The following SCFD2 variants were observed in gnomAD, a reference collection of about 807,000 sequenced individuals.
The protein encoded by SCFD2 is sec1 family domain-containing protein 2.
A neutral mutation model predicts 58.9 loss-of-function variants in SCFD2; 54 were observed. The ratio of observed to expected loss-of-function variants is 0.92; its 90% CI spans 0.74 to 1.15. SCFD2 has a LOEUF of 1.15. Ranked by LOEUF, SCFD2 falls within the 50% of genes most tolerant of loss-of-function variation. The probability of loss-of-function intolerance (pLI) is 0.00; values close to 1 mark genes in which losing one functional copy is unlikely to be tolerated. For synonymous variants in SCFD2, 321 were observed against 335.9 expected (o/e 0.96, Z 0.49); for missense variants, 805 against 836.6 (o/e 0.96, Z 0.47).
intron 5 of SCFD2, among the ~76,000 whole-genome samples, chr4:53,099,708 T>C (rs1176393081): frequency 2.0e-5 from 3 of 151,992 alleles, no homozygotes; most frequent in Non-Finnish European, 4.4e-5. Context: ...AAGTACTTAC[T>C]CCCCCTACCC....
At chr4:52,931,570 A>G (rs923563408) in intron 5 of SCFD2, among the ~76,000 whole-genome samples, 1 of 152,262 alleles carries the variant, frequency 6.6e-6, no homozygotes, top group Non-Finnish European at 1.5e-5. Flanking sequence ...TGAAGCAGCA[A>G]CAAAGTTAAG....
In SCFD2 at chr4:53,016,566, G is replaced by A. The variant is rs1722218415; in HGVS notation, c.1562-95696C>T. Among the ~76,000 whole-genome samples, 3 of 152,240 alleles carry A rather than the reference G, an allele frequency of 2.0e-5. No individual in the cohort carries two copies. In the South Asian group the frequency reaches 6.2e-4, roughly 32 times the overall value. On this transcript the variant is annotated intron_variant, in intron 5 of 8. Coordinates refer to ENST00000401642, the MANE Select transcript of SCFD2 (RefSeq NM_152540.4). ...TCCAATGCTTCAAGATTCTTCTTTA[G>A]CTAGAACTCCTGAGCTCTTTAGTCA...
intron 2 of SCFD2, among the ~76,000 whole-genome samples, chr4:53,340,046 G>C (rs1453807924): frequency 6.6e-6 from 1 of 152,172 alleles, no homozygotes; most frequent in East Asian, 1.9e-4. Flanking sequence ...GAGCAACGCA[G>C]AAGACAGGTG....
intron 5 of SCFD2, among the ~76,000 whole-genome samples, chr4:53,120,371 C>T (rs1210474955): frequency 6.6e-6 from 1 of 152,140 alleles, no homozygotes; most frequent in African/African-American, 2.4e-5. Context: ...CTGGGATACT[C>T]ATTTTGCAGA....
intron 1 of SCFD2, among the ~76,000 whole-genome samples, chr4:53,362,429 T>A (rs1232379297): frequency 6.6e-6 from 1 of 152,254 alleles, no homozygotes; most frequent in East Asian, 1.9e-4. Context: ...TGAGGGATTA[T>A]ATAAGAAGCT....
chr4:53,302,106 A>G (rs948851492), intron 3 of SCFD2, among the ~76,000 whole-genome samples: 183 of 152,284 alleles, frequency 1.2e-3, no homozygotes, highest in Non-Finnish European at 2.2e-3. Context: ...GGCCAGGGCA[A>G]TCAGGCAGGA....
At chr4:53,281,046 G>A (rs1372766605) in intron 3 of SCFD2, among the ~76,000 whole-genome samples, 3 of 152,142 alleles carry the variant, frequency 2.0e-5, no homozygotes, top group Non-Finnish European at 4.4e-5. Context: ...TTGGCTCTGC[G>A]GCCGTGCGCC....
At chr4:53,282,783 T>C (rs1731546143) in intron 3 of SCFD2, among the ~76,000 whole-genome samples, 1 of 152,200 alleles carries the variant, frequency 6.6e-6, no homozygotes, top group South Asian at 2.1e-4. Flanking sequence ...AACTCTGTTT[T>C]TTTAATATAG....
intron 5 of SCFD2, among the ~76,000 whole-genome samples, chr4:53,104,838 T>C (rs541625779): frequency 5.3e-5 from 8 of 152,186 alleles, no homozygotes; most frequent in Non-Finnish European, 1.2e-4. Flanking sequence ...CATGGGGTCA[T>C]ACAGCGCAGC....
intron 4 of SCFD2, among the ~76,000 whole-genome samples, chr4:53,234,586 A>AC (rs1729538645): frequency 6.6e-6 from 1 of 152,174 alleles, no homozygotes; most frequent in South Asian, 2.1e-4. Context: ...TTTATCTGGG[A>AC]CTTTTTTGAT....
At chr4:52,876,137 C>A (rs1015130764) in intron 8 of SCFD2, among the ~76,000 whole-genome samples, 2 of 34,380 alleles carry the variant, frequency 5.8e-5, no homozygotes, top group African/African-American at 1.3e-4. Flanking sequence ...CAGCTCCACA[C>A]TGACTGGCCA....
At chr4:53,100,769 TG>T in intron 5 of SCFD2, among the ~76,000 whole-genome samples, 1 of 152,302 alleles carries the variant, frequency 6.6e-6, no homozygotes, top group Non-Finnish European at 1.5e-5. Flanking sequence ...CCCAAAAATT[TG>T]CTTTCTTTTT....
intron 6 of SCFD2, among the ~76,000 whole-genome samples, chr4:52,910,420 T>C (rs900375515): frequency 6.6e-6 from 1 of 152,150 alleles, no homozygotes; most frequent in Non-Finnish European, 1.5e-5. Context: ...GCTAAATTAG[T>C]ACCTACTTTA....
intron 7 of SCFD2, among the ~76,000 whole-genome samples, chr4:52,903,468 T>C (rs1180566869): frequency 5.3e-5 from 8 of 152,112 alleles, no homozygotes. Context: ...AGGGCAGTAG[T>C]TGGAAAGAGG....
In SCFD2 at chr4:53,354,880, G is replaced by C. The variant is rs186386970; in HGVS notation, c.839-2114C>G. ...AGCTCACTGTAGCCTTGAACTCTGA[G>C]CTCAAGCAACTCTCCCACCTTAGTT... On this transcript the variant is annotated intron_variant, in intron 1 of 8. Transcript: ENST00000401642. Among the ~76,000 whole-genome samples, 229 of 151,474 alleles carry C rather than the reference G, an allele frequency of 1.5e-3. 2 individuals are homozygous for C. The highest frequency in any genetic ancestry group is 5.2e-3 in the African/African-American group (216 of 41,276).
chr4:53,081,481 T>G (rs1200052144), intron 5 of SCFD2, among the ~76,000 whole-genome samples: 1 of 152,184 alleles, frequency 6.6e-6, no homozygotes, highest in African/African-American at 2.4e-5. Context: ...CTCCCACTTA[T>G]AAGTGAGAAC....
chr4:53,330,352 C>T (rs540129505), intron 2 of SCFD2, among the ~76,000 whole-genome samples: 79 of 151,954 alleles, frequency 5.2e-4, no homozygotes, highest in South Asian at 1.7e-3. Context: ...AGAGAAAGGT[C>T]GGGTTACCCT....
intron 3 of SCFD2, among the ~76,000 whole-genome samples, chr4:53,274,818 G>A (rs932947730): frequency 5.3e-5 from 8 of 152,126 alleles, no homozygotes; most frequent in Admixed American, 4.6e-4. Context: ...CATGCTATGC[G>A]CAAAGCTCTT....
At chr4:52,939,676 T>C (rs1720239728) in intron 5 of SCFD2, among the ~76,000 whole-genome samples, 1 of 149,738 alleles carries the variant, frequency 6.7e-6, no homozygotes, top group African/African-American at 2.5e-5. Context: ...GCCATTTGAC[T>C]AGGGTAAGGA....
Sources: gnomAD v4.1 joint callset for allele counts (sites outside exome capture counted in the v4.1 genomes callset) on GRCh38, gnomAD v4.1.1 for gene constraint, MANE v1.5 for transcripts, NCBI Gene and HGNC (gene_info 2026-07-23, HGNC 2026-07-21) for gene names.